SH3RF2: variants seen among roughly 807,000 people sequenced by gnomAD.
SH3RF2 encodes SH3 domain containing ring finger 2, also known as E3 ubiquitin-protein ligase SH3RF2.
A neutral mutation model predicts 59.0 loss-of-function variants in SH3RF2; 43 were observed. The ratio of observed to expected loss-of-function variants is 0.73; its 90% CI spans 0.57 to 0.94. The LOEUF (loss-of-function observed/expected upper bound fraction) is 0.94, where lower values mean the gene tolerates loss of function less well. Ranked by LOEUF, SH3RF2 falls within the 40% of genes least tolerant of loss-of-function variation. The pLI is 0.00. For missense variants in SH3RF2, 930 were observed against 940.1 expected (o/e 0.99, Z 0.14); for synonymous variants, 391 against 391.5 (o/e 1.00, Z 0.01).
intron 4 of SH3RF2, among the ~76,000 whole-genome samples, chr5:146,009,854 T>G (rs1038368180): frequency 6.6e-6 from 1 of 152,202 alleles, no homozygotes; most frequent in Admixed American, 6.6e-5. Flanking sequence ...AAAGCGACAT[T>G]CAATAAAATT....
At chr5:146,027,837 C>T (rs1761585356) in intron 5 of SH3RF2, among the ~76,000 whole-genome samples, 1 of 152,176 alleles carries the variant, frequency 6.6e-6, no homozygotes, top group South Asian at 2.1e-4. Flanking sequence ...CGCCAGTACT[C>T]CTGGGGCACA....
intron 7 of SH3RF2, among the ~76,000 whole-genome samples, chr5:146,054,992 C>A (rs1020685326): frequency 6.6e-6 from 1 of 152,176 alleles, no homozygotes; most frequent in Non-Finnish European, 1.5e-5. Flanking sequence ...GCAAGAAAGG[C>A]ATGTAAAATG....
rs1228351192 is a variant in SH3RF2 at position 145,997,336 on chromosome 5, C to T, written c.379-2722C>T. The stretch of plus-strand genomic sequence containing the variant: ...AAACCAGAGCAGCTCCCCGTATATA[C>T]TGCACCACCGCTCCAGTCTAAATAT... On this transcript the variant is annotated intron_variant, in intron 2 of 9. Transcript: ENST00000359120. 9 of 1,145,656 alleles carry T rather than the reference C, an allele frequency of 7.9e-6. No individual in the cohort carries two copies. The East Asian group carries it at 1.4e-4, about 18-fold the overall frequency. 71.0% of individuals were successfully genotyped at this position (1,145,656 alleles called of 1,614,324 possible).
chr5:146,056,658 T>C (rs1762682288), intron 8 of SH3RF2, among the ~76,000 whole-genome samples: 1 of 152,232 alleles, frequency 6.6e-6, no homozygotes, highest in African/African-American at 2.4e-5. Flanking sequence ...TCAGAGCCCC[T>C]GATTCCCACC....
In SH3RF2 at chr5:145,938,168, G is replaced by A. The variant is rs746228881; in HGVS notation, c.240G>A (p.Gln80=). ...VRLLDGVRSG[Q]SSGRGGSFRR... Reference sequence around the variant, plus strand: ...TTCTGGATGGAGTGCGCTCAGGGCAGAGCTCCGGGAGAGGGGGCTCCTTCC... The same window carrying A: ...TTCTGGATGGAGTGCGCTCAGGGCAAAGCTCCGGGAGAGGGGGCTCCTTCC... Residue 80 remains glutamine (Q), a synonymous_variant, in exon 2 of 10, where the codon CAG becomes CAA. Transcript: ENST00000359120. The A allele has an allele frequency of 1.9e-6, 3 of 1,614,152 alleles. No individual in the cohort carries two copies. The Admixed American group carries it at 5.0e-5, about 27-fold the overall frequency.
chr5:145,966,528 A>G (rs1251256904), intron 2 of SH3RF2, among the ~76,000 whole-genome samples: 2 of 152,178 alleles, frequency 1.3e-5, no homozygotes, highest in African/African-American at 2.4e-5. Context: ...ATAAAAACTC[A>G]CTTCTTTTCT....
intron 5 of SH3RF2, among the ~76,000 whole-genome samples, chr5:146,024,300 T>A (rs1472172624): frequency 3.3e-5 from 5 of 152,230 alleles, no homozygotes; most frequent in African/African-American, 1.2e-4. Flanking sequence ...GTTATCCTAT[T>A]GTGGTTTTGA....
chr5:146,014,489 T>C (rs1400627312), intron 5 of SH3RF2, among the ~76,000 whole-genome samples: 1 of 152,184 alleles, frequency 6.6e-6, no homozygotes, highest in East Asian at 1.9e-4. Flanking sequence ...AGACATCAGA[T>C]GGAAAGAAAG....
At chr5:146,005,853 T>TA (rs1561737082) in intron 4 of SH3RF2, among the ~76,000 whole-genome samples, 13 of 94,666 alleles carry the variant, frequency 1.4e-4, no homozygotes, top group East Asian at 3.4e-4. Context: ...AGCACTCTGT[T>TA]TAAAAAAAAA....
chr5:146,078,158 G>GT (rs1328379799), intron 9 of SH3RF2, among the ~76,000 whole-genome samples: 2 of 152,156 alleles, frequency 1.3e-5, no homozygotes, highest in Non-Finnish European at 2.9e-5. Context: ...ATTAAAACTA[G>GT]TGGATGAAAG....
rs762965352 is a variant in SH3RF2 at position 146,000,303 on chromosome 5, C to A, written c.624C>A (p.Asn208Lys). Residue 208 changes from asparagine to lysine, a missense_variant, in exon 3 of 10, where the codon AAC (asparagine) becomes AAA (lysine). Transcript: ENST00000359120. ...TACGAGGCAAGGACAAGAGTGAGAACCAGGATTGCCTGACCTTCCTCAAGG... is the reference window on the plus strand; with the variant it reads ...TACGAGGCAAGGACAAGAGTGAGAAACAGGATTGCCTGACCTTCCTCAAGG... ...FDLRGKDKSE[N>K]QDCLTFLKDD... The A allele has an allele frequency of 2.2e-5, 35 of 1,613,458 alleles. No homozygotes were observed. The highest frequency in any genetic ancestry group is 3.0e-5 in the Non-Finnish European group (35 of 1,179,756).
chr5:146,034,392 G>A (rs866532183), intron 5 of SH3RF2, among the ~76,000 whole-genome samples: 8 of 152,160 alleles, frequency 5.3e-5, no homozygotes, highest in Admixed American at 6.5e-5. Flanking sequence ...AGTCTCTGGG[G>A]ACAGCCAATT....
chr5:146,046,701 C>T (rs929469837), intron 5 of SH3RF2, among the ~76,000 whole-genome samples: 41 of 152,198 alleles, frequency 2.7e-4, no homozygotes, highest in African/African-American at 9.9e-4. Flanking sequence ...GTGATATGTG[C>T]TCAGAAGGAA....
chr5:145,989,682 C>T (rs1440018050), intron 2 of SH3RF2, among the ~76,000 whole-genome samples: 7 of 152,130 alleles, frequency 4.6e-5, no homozygotes, highest in Non-Finnish European at 7.4e-5. Flanking sequence ...TGATGTTGGT[C>T]CCACCTGATG....
At chr5:146,010,928 G>A (rs1760863254) in intron 4 of SH3RF2, among the ~76,000 whole-genome samples, 1 of 151,914 alleles carries the variant, frequency 6.6e-6, no homozygotes, top group Non-Finnish European at 1.5e-5. Flanking sequence ...CATTGCTTTT[G>A]GTGTTATAGA....
At position 146,033,451 on chromosome 5, in the gene SH3RF2, CTTTTTTTTTTTTTTTTTTTTT is replaced by C. The variant is rs558717056; in HGVS notation, c.1060-14305_1060-14285del. Among the ~76,000 whole-genome samples the C allele has an allele frequency of 1.8e-4, 13 of 71,864 alleles. 1 individual carries two copies. Among genetic ancestry groups the C allele is most frequent in the Non-Finnish European group, 1.9e-4 (8 of 41,770 alleles). 47.1% of individuals were successfully genotyped at this position (71,864 alleles called of 152,430 possible). ...AAAATCTATGAGCACTAGCCCTTAG[CTTTTTTTTTTTTTTTTTTTTT>C]TTTTTTTTTTTTTTTGAGATGGAGT... On this transcript the variant is annotated intron_variant, in intron 5 of 9. Coordinates refer to ENST00000359120, the MANE Select transcript of SH3RF2 (RefSeq NM_152550.4).
intron 2 of SH3RF2, among the ~76,000 whole-genome samples, chr5:145,963,994 G>C (rs1057087918): frequency 1.8e-4 from 28 of 151,442 alleles, no homozygotes; most frequent in Middle Eastern, 3.2e-3. Flanking sequence ...CACCGCGCCC[G>C]GCTAATTTTT....
intron 6 of SH3RF2, 94 bp downstream of exon 6, chr5:146,047,957 C>T: frequency 3.3e-6 from 4 of 1,222,552 alleles, no homozygotes; most frequent in Non-Finnish European, 4.7e-6. Context: ...ATTCCCAAAA[C>T]ATCCCATCCA....
At chr5:146,040,030 AAAC>A (rs1193072284) in intron 5 of SH3RF2, among the ~76,000 whole-genome samples, 1 of 152,248 alleles carries the variant, frequency 6.6e-6, no homozygotes. Context: ...AGACAAAACT[AAAC>A]AACATACTGT....
Sources: gnomAD v4.1 joint callset for allele counts (sites outside exome capture counted in the v4.1 genomes callset) on GRCh38, gnomAD v4.1.1 for gene constraint, MANE v1.5 for transcripts, NCBI Gene and HGNC (gene_info 2026-07-23, HGNC 2026-07-21) for gene names.